The following FOCAD variants were observed in gnomAD, a reference collection of about 807,000 sequenced individuals.
FOCAD encodes focadhesin.
FOCAD carries 198 observed loss-of-function variants against 225.6 expected under a neutral mutation model. The observed-to-expected ratio is 0.88, with a 90% CI of 0.78 to 0.99. FOCAD has a LOEUF of 0.99. FOCAD is among the 50% of genes least tolerant of loss of function. The probability of loss-of-function intolerance (pLI) is 0.00; values close to 1 mark genes in which losing one functional copy is unlikely to be tolerated. For missense variants in FOCAD, 2,713 were observed against 2,123.6 expected (o/e 1.28, Z -5.46); for synonymous variants, 897 against 755.0 (o/e 1.19, Z -3.08).
intron 15 of FOCAD, among the ~76,000 whole-genome samples, chr9:20,843,539 T>A (rs1410407927): frequency 1.3e-5 from 2 of 152,078 alleles, no homozygotes; most frequent in South Asian, 4.1e-4. Context: ...CCTTTAAAAA[T>A]CCTTAACCTT....
intron 11 of FOCAD, among the ~76,000 whole-genome samples, chr9:20,800,383 G>A (rs1389307273): frequency 6.6e-6 from 1 of 152,000 alleles, no homozygotes; most frequent in Non-Finnish European, 1.5e-5. Flanking sequence ...TCCTGAATTT[G>A]AATGTTGGCC....
chr9:20,811,851 TAA>T (rs962807254), intron 11 of FOCAD, among the ~76,000 whole-genome samples: 3 of 152,102 alleles, frequency 2.0e-5, no homozygotes, highest in Non-Finnish European at 4.4e-5. Flanking sequence ...GAATAAGTTT[TAA>T]AAGTCTCTTC....
intron 21 of FOCAD, among the ~76,000 whole-genome samples, chr9:20,899,180 T>C (rs1220844887): frequency 6.6e-6 from 1 of 151,910 alleles, no homozygotes; most frequent in Non-Finnish European, 1.5e-5. Context: ...TATTTCAAAG[T>C]GTTTTTCCCC....
chr9:20,663,504 C>CACACACAT (rs1418467747), intron 2 of FOCAD, among the ~76,000 whole-genome samples: 2 of 151,814 alleles, frequency 1.3e-5, no homozygotes, highest in Non-Finnish European at 2.9e-5. Flanking sequence ...CACACACACA[C>CACACACAT]ACATACACAC....
At chr9:20,838,272 C>CTT (rs761085808) in intron 15 of FOCAD, among the ~76,000 whole-genome samples, 3 of 142,592 alleles carry the variant, frequency 2.1e-5, no homozygotes, top group Non-Finnish European at 4.6e-5. Flanking sequence ...CCACATAGGT[C>CTT]TTTTTTTTTT....
At chr9:20,927,033 T>C (rs200928207) in intron 26 of FOCAD, among the ~76,000 whole-genome samples, 3,849 of 151,304 alleles carry the variant, frequency 0.025, 173 homozygotes, top group African/African-American at 0.088. Flanking sequence ...TATATATATA[T>C]ATATAAAAGA....
chr9:20,806,331 T>C (rs1822450822), intron 11 of FOCAD, among the ~76,000 whole-genome samples: 1 of 152,206 alleles, frequency 6.6e-6, no homozygotes, highest in African/African-American at 2.4e-5. Context: ...GCCTGCCTCT[T>C]TCGGCCTCTT....
chr9:20,894,252 A>T lies in FOCAD; in HGVS notation c.2625+9022A>T, dbSNP rs144776225. On this transcript the variant is annotated intron_variant, in intron 21 of 43. Coordinates refer to ENST00000338382, the MANE Select transcript of FOCAD (RefSeq NM_001375567.1). The stretch of plus-strand genomic sequence containing the variant: ...GAATAAAAATCCATTGTCTAGAAAT[A>T]CTACAGTTGATGTATCCATTTACCT... Among the ~76,000 whole-genome samples, 11 of 152,298 alleles carry T rather than the reference A, an allele frequency of 7.2e-5. No homozygotes were observed. In the East Asian group the frequency reaches 1.9e-3, roughly 27 times the overall value.
At position 20,758,165 on chromosome 9, in the gene FOCAD, A is replaced by G; in HGVS notation, c.468A>G (p.Thr156=). The G allele has an allele frequency of 6.2e-7, 1 of 1,612,504 alleles. No homozygotes were observed. The highest frequency in any genetic ancestry group is 8.5e-7 in the Non-Finnish European group (1 of 1,179,284). The change falls in exon 6 of 44, where the codon ACA becomes ACG. Residue 156 remains threonine (T), a synonymous_variant. Coordinates refer to ENST00000338382, the MANE Select transcript of FOCAD (RefSeq NM_001375567.1). ...DCWPVFLQQL[T]AFFQQCPERL... is the part of the protein sequence containing the mutation. ...GGCCAGTGTTTTTGCAGCAGCTGACAGCGTTTTTCCAGCAGTGCCCTGAAA... is the reference window on the plus strand; with the variant it reads ...GGCCAGTGTTTTTGCAGCAGCTGACGGCGTTTTTCCAGCAGTGCCCTGAAA...
At chr9:20,762,522 G>A (rs1448881397) in intron 6 of FOCAD, among the ~76,000 whole-genome samples, 1 of 152,082 alleles carries the variant, frequency 6.6e-6, no homozygotes, top group Non-Finnish European at 1.5e-5. Flanking sequence ...TTTACCAAGT[G>A]AATAAATTAA....
chr9:20,874,649 CCTCT>C (rs1830077522), intron 18 of FOCAD, 28 bp from the exon 19 acceptor site: 1 of 1,596,904 alleles, frequency 6.3e-7, no homozygotes. Context: ...TTATTATTAT[CCTCT>C]CTATGATCTT....
intron 28 of FOCAD, among the ~76,000 whole-genome samples, chr9:20,940,283 CTT>C (rs567390382): frequency 9.2e-4 from 123 of 133,440 alleles, no homozygotes; most frequent in Middle Eastern, 7.8e-3. Flanking sequence ...GCAGTTCTCC[CTT>C]TTTTTTTTTT....
At chr9:20,757,294 G>A (rs1480181249) in intron 5 of FOCAD, among the ~76,000 whole-genome samples, 1 of 152,142 alleles carries the variant, frequency 6.6e-6, no homozygotes, top group East Asian at 1.9e-4. Context: ...AAATTGTATA[G>A]TACTTAATAG....
At chr9:20,972,071 C>G (rs1839815391) in intron 35 of FOCAD, among the ~76,000 whole-genome samples, 1 of 152,060 alleles carries the variant, frequency 6.6e-6, no homozygotes, top group South Asian at 2.1e-4. Flanking sequence ...TTTGCAAGAT[C>G]TCTTCATGAT....
At chr9:20,735,545 T>G (rs1017416512) in intron 4 of FOCAD, among the ~76,000 whole-genome samples, 1 of 151,514 alleles carries the variant, frequency 6.6e-6, no homozygotes, top group Non-Finnish European at 1.5e-5. Context: ...CTGAGACATG[T>G]CTTTCTGTCA....
intron 15 of FOCAD, among the ~76,000 whole-genome samples, chr9:20,839,812 A>G (rs963756457): frequency 6.6e-6 from 1 of 152,042 alleles, no homozygotes; most frequent in Non-Finnish European, 1.5e-5. Flanking sequence ...AACATTCCAT[A>G]CCTGGCCCTG....
rs148951678 is a variant in FOCAD, at chr9:20,944,342, A to G, written c.3408-285A>G. On this transcript the variant is annotated intron_variant, in intron 28 of 43. Coordinates refer to ENST00000338382, the MANE Select transcript of FOCAD (RefSeq NM_001375567.1). ...CTGGTTTATGCCTTTTCCTCTTCTCACCCATAAAGTTTAAGTCAAACTATT... is the reference window on the plus strand; with the variant it reads ...CTGGTTTATGCCTTTTCCTCTTCTCGCCCATAAAGTTTAAGTCAAACTATT... Among the ~76,000 whole-genome samples, 45 of 152,244 alleles carry G rather than the reference A, an allele frequency of 3.0e-4. 1 individual carries two copies. The East Asian group carries it at 6.2e-3, about 21-fold the overall frequency.
At chr9:20,673,656 G>A (rs893875227) in intron 2 of FOCAD, among the ~76,000 whole-genome samples, 4 of 152,032 alleles carry the variant, frequency 2.6e-5, no homozygotes, top group South Asian at 2.1e-4. Context: ...GTGCAGTGGC[G>A]TGATGGCGTG....
chr9:20,993,090 A>G (rs1234088437), intron 42 of FOCAD, among the ~76,000 whole-genome samples, 163 bp from the exon 43 acceptor site: 3 of 151,972 alleles, frequency 2.0e-5, no homozygotes, highest in African/African-American at 4.8e-5. Flanking sequence ...TCCCTGTCTC[A>G]TCTCCTCCAC....
Sources: allele counts gnomAD v4.1 joint callset (sites outside exome capture counted in the v4.1 genomes callset), GRCh38; gene constraint gnomAD v4.1.1; transcripts MANE v1.5; gene names NCBI Gene and HGNC (gene_info 2026-07-23, HGNC 2026-07-21).